MYO15A: variants seen among roughly 807,000 people sequenced by gnomAD.
MYO15A encodes the protein myosin XVA.
In MYO15A, 308 loss-of-function variants were observed where a neutral mutation model predicts 394.6. The ratio of observed to expected loss-of-function variants is 0.78; its 90% CI spans 0.71 to 0.86. The LOEUF (loss-of-function observed/expected upper bound fraction) is 0.86, where lower values mean the gene tolerates loss of function less well. MYO15A is among the 40% of genes least tolerant of loss of function. The pLI, the probability that MYO15A is intolerant of heterozygous loss-of-function variation, is 0.00. For missense variants in MYO15A, 4,606 were observed against 4,799.1 expected (o/e 0.96, Z 1.19); for synonymous variants, 1,957 against 2,003.8 (o/e 0.98, Z 0.62).
rs1381382117 is a variant in MYO15A, at chr17:18,179,638, G to A, written c.*768G>A. The stretch of plus-strand genomic sequence containing the variant: ...AGCATTGAGTTTTGAAAGATGAGTA[G>A]GAGTTTGCTAAGAATAGATGGAAGA... On this transcript the variant is annotated 3_prime_UTR_variant, in exon 66 of 66. Coordinates refer to ENST00000647165, the MANE Select transcript of MYO15A (RefSeq NM_016239.4). 6.6e-6 allele frequency: 1 copy of A among 152,644 alleles called. No homozygotes were observed. Among genetic ancestry groups the A allele is most frequent in the Non-Finnish European group, 1.5e-5 (1 of 68,436 alleles). 9.5% of individuals were successfully genotyped at this position (152,644 alleles called of 1,614,324 possible). A position where few individuals can be genotyped will look rare whatever the true frequency, so the allele number is the denominator to read the frequency against.
intron 61 of MYO15A, 141 bp downstream of exon 61, chr17:18,166,662 CT>C: frequency 3.4e-6 from 4 of 1,183,960 alleles, no homozygotes; most frequent in Non-Finnish European, 4.9e-6. Context: ...CTCTGCTCCC[CT>C]ATGTGGTCTC....
chr17:18,175,699 T>C (rs773458688), intron 65 of MYO15A, among the ~76,000 whole-genome samples: 1 of 152,120 alleles, frequency 6.6e-6, no homozygotes, highest in Non-Finnish European at 1.5e-5. Flanking sequence ...GCATCCATAC[T>C]TCTACCTCCT....
intron 5 of MYO15A, 131 bp from the exon 6 acceptor site, chr17:18,126,660 G>C (rs1294573411): frequency 8.3e-7 from 1 of 1,202,284 alleles, no homozygotes; most frequent in African/African-American, 1.5e-5. Flanking sequence ...ATGGGGGTGG[G>C]AGCATTCCCC....
At position 18,158,529 on chromosome 17, in the gene MYO15A, C is replaced by A. The variant is rs1158037459; in HGVS notation, c.8974C>A (p.Pro2992Thr). The change falls in exon 52 of 66, where the codon CCA becomes ACA. Residue 2992 changes from proline to threonine, a missense_variant. Physicochemically the swap from Pro to Thr is conservative, Grantham distance 38 (BLOSUM62 -1). Around this residue, in one of 2 missense-constraint regions of MYO15A, gnomAD observed 2,776 missense variants for 3,109.3 expected, o/e 0.89. Transcript: ENST00000647165. ...QEVGRRREGP[P>T]VRARSADHGE... ...AGCTCCGCCTCTTCTGCAGGGTCCCCCAGTCAGGGCCCGCTCTGCTGACCA... is the reference window on the plus strand; with the variant it reads ...AGCTCCGCCTCTTCTGCAGGGTCCCACAGTCAGGGCCCGCTCTGCTGACCA... 3.1e-6 allele frequency: 5 copies of A among 1,614,004 alleles called. No individual in the cohort carries two copies. The highest frequency in any genetic ancestry group is 1.3e-5 in the African/African-American group (1 of 74,938).
chr17:18,124,818 A>G, intron 3 of MYO15A: 1 of 588,454 alleles, frequency 1.7e-6, no homozygotes, highest in Non-Finnish European at 3.0e-6. Context: ...TCAGTTTCTC[A>G]TCCACAAAAT....
intron 35 of MYO15A, chr17:18,149,950 CAAAAAAAAA>C (rs369728454): frequency 6.4e-5 from 8 of 125,214 alleles, no homozygotes; most frequent in South Asian, 1.4e-4. Flanking sequence ...GACCCTGTCT[CAAAAAAAAA>C]AAAAAAAAAA....
Position 18,120,744 on chromosome 17 carries a change from G to C in MYO15A, c.1944G>C (p.Gln648His). ...SNDARRPPAPQPAPRTLSHWS... is the reference protein window; with the variant it reads ...SNDARRPPAPHPAPRTLSHWS... ...ACGCGCGCCGCCCGCCCGCGCCACA[G>C]CCCGCGCCCAGGACCCTCTCCCACT... The change falls in exon 2 of 66, where the codon CAG becomes CAC. Residue 648 changes from glutamine to histidine, a missense_variant. This residue lies in a region of MYO15A where 1,830 missense variants were observed against 1,689.7 expected (regional missense o/e 1.08). Transcript: ENST00000647165. The C allele has an allele frequency of 6.8e-7, 1 of 1,463,648 alleles. No individual in the cohort carries two copies. The highest frequency in any genetic ancestry group is 2.9e-5 in the East Asian group (1 of 34,658). The allele number at this position is 1,463,648 out of a possible 1,614,324, so 90.7% of individuals were successfully genotyped here. A position where few individuals can be genotyped will look rare whatever the true frequency, so the allele number is the denominator to read the frequency against.
intron 16 of MYO15A, 80 bp downstream of exon 16, chr17:18,137,759 G>C: frequency 1.4e-6 from 2 of 1,451,690 alleles, no homozygotes; most frequent in Non-Finnish European, 1.9e-6. Context: ...GGATATACTG[G>C]TTGTTTAAGG....
In MYO15A at chr17:18,132,551, C is replaced by T; in HGVS notation, c.4305C>T (p.Tyr1435=). ...TTAGCCTGCAAGAGGCTGAGACCTA[C>T]TACTATCTGAACCAGGTGAGTGCCA... ...QAFSLQEAET[Y]YYLNQGGNCE... is the part of the protein sequence containing the mutation. Residue 1435 remains tyrosine, a synonymous_variant, in exon 11 of 66, where the codon TAC becomes TAT. Transcript: ENST00000647165. The surrounding 1 kb of genome is among the most constrained non-coding windows in gnomAD (Gnocchi z 4.6). 1.2e-6 allele frequency: 2 copies of T among 1,611,966 alleles called. No individual in the cohort carries two copies. The highest frequency in any genetic ancestry group is 1.7e-6 in the Non-Finnish European group (2 of 1,179,978).
chr17:18,175,695 A>G (rs2047005537), intron 65 of MYO15A, among the ~76,000 whole-genome samples: 1 of 152,086 alleles, frequency 6.6e-6, no homozygotes, highest in Admixed American at 6.5e-5. Flanking sequence ...CACAGCATCC[A>G]TACTTCTACC....
intron 16 of MYO15A, 109 bp downstream of exon 16, chr17:18,137,788 G>A (rs2046305859): frequency 8.1e-7 from 1 of 1,238,448 alleles, no homozygotes; most frequent in Non-Finnish European, 1.2e-6. Flanking sequence ...GACATCAGTA[G>A]ACAGTAGAGG....
At chr17:18,172,351 T>C (rs1597825480) in intron 64 of MYO15A, 61 bp downstream of exon 64, 2 of 1,612,422 alleles carry the variant, frequency 1.2e-6, no homozygotes, top group Non-Finnish European at 1.7e-6. Context: ...CCCAACCCCC[T>C]CCAAGAGGCC....
chr17:18,122,413 T>C lies in MYO15A; in HGVS notation c.3609+4T>C. The C allele has an allele frequency of 6.2e-7, 1 of 1,611,530 alleles. No individual in the cohort carries two copies. The highest frequency in any genetic ancestry group is 8.5e-7 in the Non-Finnish European group (1 of 1,179,480). ...CCCGCCAAGCTGGCGGAACAAGGTA[T>C]GGAGGCACAGATTACACGGAGGGTT... On this transcript the variant is annotated splice_donor_region_variant and intron_variant, in intron 2 of 65. Coordinates refer to ENST00000647165, the MANE Select transcript of MYO15A (RefSeq NM_016239.4).
At chr17:18,158,681 T>A (rs780195869) in intron 52 of MYO15A, 43 bp downstream of exon 52, 19 of 1,600,420 alleles carry the variant, frequency 1.2e-5, no homozygotes, top group Middle Eastern at 1.6e-4. Flanking sequence ...GGGAGGGTGC[T>A]GGGCTTCTTG....
At chr17:18,165,936 A>G (rs1288335984) in intron 60 of MYO15A, among the ~76,000 whole-genome samples, 1 of 152,138 alleles carries the variant, frequency 6.6e-6, no homozygotes, top group East Asian at 1.9e-4. Context: ...GTCTGCAGAA[A>G]GGCACCCACT....
chr17:18,130,334 G>A (rs2046131801), intron 7 of MYO15A, among the ~76,000 whole-genome samples: 1 of 151,216 alleles, frequency 6.6e-6, no homozygotes, highest in African/African-American at 2.4e-5. Context: ...TAATACCCAA[G>A]AAAATAGAGA....
chr17:18,140,445 G>A, intron 19 of MYO15A, 72 bp from the exon 20 acceptor site: 1 of 1,601,000 alleles, frequency 6.2e-7, no homozygotes, highest in Non-Finnish European at 8.5e-7. Flanking sequence ...ATTTACTCCT[G>A]CTCTCTCTTC....
chr17:18,121,254 C>A lies in MYO15A; in HGVS notation c.2454C>A (p.Arg818=). ...TCCTGCCCCCGGCCCGCCGGCCCCG[C>A]TCGCTGCAGGAGTCCCCAGCCCCAC... ...PPFLPPARRP[R]SLQESPAPRR... The change falls in exon 2 of 66, where the codon CGC becomes CGA. Residue 818 remains arginine, a synonymous_variant. Coordinates refer to ENST00000647165, the MANE Select transcript of MYO15A (RefSeq NM_016239.4). This position sits in a 1 kb window ranked among gnomAD's most constrained non-coding sequence, Gnocchi z 5.3. 4 of 1,469,000 alleles carry A rather than the reference C, an allele frequency of 2.7e-6. No homozygotes were observed. Among genetic ancestry groups the A allele is most frequent in the Non-Finnish European group, 3.6e-6 (4 of 1,114,242 alleles). The allele number at this position is 1,469,000 out of a possible 1,614,324, so 91.0% of individuals were successfully genotyped here. A position where few individuals can be genotyped will look rare whatever the true frequency, so the allele number is the denominator to read the frequency against.
intron 1 of MYO15A, among the ~76,000 whole-genome samples, chr17:18,113,309 T>G (rs1371015069): frequency 6.6e-6 from 1 of 152,090 alleles, no homozygotes; most frequent in East Asian, 1.9e-4. Flanking sequence ...TTGCCACCTG[T>G]AATTTTTCGG....
Sources: gnomAD v4.1 joint callset for allele counts (sites outside exome capture counted in the v4.1 genomes callset) on GRCh38, gnomAD v4.1.1 for gene constraint, gnomAD v4.1.1 regional missense constraint, Gnocchi (gnomAD v3.1) non-coding constraint, MANE v1.5 for transcripts, NCBI Gene and HGNC (gene_info 2026-07-23, HGNC 2026-07-21) for gene names.